The following ANKRD62 variants were observed in gnomAD, a reference collection of about 807,000 sequenced individuals.
ANKRD62 encodes ankyrin repeat domain-containing protein 62.
A neutral mutation model predicts 98.8 loss-of-function variants in ANKRD62; 61 were observed. That is an observed-to-expected ratio of 0.62 (90% CI 0.50 to 0.76). The LOEUF (loss-of-function observed/expected upper bound fraction) is 0.76, where lower values mean the gene tolerates loss of function less well. Among genes scored for constraint, ANKRD62 ranks in the 30% least tolerant of loss-of-function variants. ANKRD62 has a pLI of 0.00. For synonymous variants in ANKRD62, 341 were observed against 367.9 expected, an observed-to-expected ratio of 0.93 and a Z score of 0.84; for missense variants, 933 against 1,082.9, an observed-to-expected ratio of 0.86 and a Z score of 1.94.
At chr18:12,155,541 G>A in the ANKRD62 span, among the ~76,000 whole-genome samples, 10 of 152,204 alleles carry the variant, frequency 6.6e-5, no homozygotes, top group Non-Finnish European at 1.5e-5. Context: ...GTCCCCATGG[G>A]CCACTACTGT....
chr18:12,117,711 C>A (rs1393600077), intron 10 of ANKRD62, among the ~76,000 whole-genome samples: 1 of 152,170 alleles, frequency 6.6e-6, no homozygotes, highest in African/African-American at 2.4e-5. Flanking sequence ...ATGCCTGTAT[C>A]TGTCGAGATG....
chr18:12,107,493 C>T (rs913699575), intron 8 of ANKRD62, 26 bp downstream of exon 8: 14 of 1,435,998 alleles, frequency 9.7e-6, no homozygotes, highest in African/African-American at 2.9e-5. Flanking sequence ...TAGTTAACAG[C>T]GGATCACTGT....
chr18:12,176,085 G>A, the ANKRD62 span, among the ~76,000 whole-genome samples: 26 of 150,630 alleles, frequency 1.7e-4, no homozygotes, highest in African/African-American at 6.5e-4. Context: ...CCAGCTACTC[G>A]GAAGACTGAA....
rs1349743811 is a variant in ANKRD62 at position 12,127,971 on chromosome 18, C to T, written c.*32C>T. ...AAATAATATCAAGTGTTTCAGGACA[C>T]TAGTTTCAGTGGAGAGCTTTCTTTT... On this transcript the variant is annotated 3_prime_UTR_variant, in exon 14 of 14. Coordinates refer to ENST00000587848, the MANE Select transcript of ANKRD62 (RefSeq NM_001277333.2). 7.9e-7 allele frequency: 1 copy of T among 1,270,054 alleles called. No homozygotes were observed. The highest frequency in any genetic ancestry group is 1.5e-5 in the African/African-American group (1 of 65,150). 78.7% of individuals were successfully genotyped at this position (1,270,054 alleles called of 1,614,324 possible). A position where few individuals can be genotyped will look rare whatever the true frequency, so the allele number is the denominator to read the frequency against.
chr18:12,172,862 G>A, the ANKRD62 span, among the ~76,000 whole-genome samples: 1 of 152,216 alleles, frequency 6.6e-6, no homozygotes. Context: ...TCAGACTGCT[G>A]TGCTAGCAGT....
rs571555800 is a variant in ANKRD62, at chr18:12,114,281, T to C, written c.1065-807T>C. Among the ~76,000 whole-genome samples the C allele has an allele frequency of 1.7e-3, 262 of 152,262 alleles. 1 individual carries two copies. The highest frequency in any genetic ancestry group is 6.1e-3 in the African/African-American group (252 of 41,556). ...TATAACAAACTTGCAGTTGTACCAC[T>C]GAACTTAAAAAAAATGCCAAGATTA... On this transcript the variant is annotated intron_variant, in intron 8 of 13. Transcript: ENST00000587848.
chr18:12,102,057 C>T (rs1909310833), intron 6 of ANKRD62: 5 of 1,405,614 alleles, frequency 3.6e-6, no homozygotes, highest in Non-Finnish European at 4.0e-6. Context: ...AATAGCAAAG[C>T]CCAGCAAAGG....
the ANKRD62 span, among the ~76,000 whole-genome samples, chr18:12,152,973 A>T: frequency 6.6e-6 from 1 of 152,218 alleles, no homozygotes; most frequent in Non-Finnish European, 1.5e-5. Context: ...AGTACACAAA[A>T]TCAGTGTACA....
At chr18:12,138,087 G>A in the ANKRD62 span, among the ~76,000 whole-genome samples, 1 of 152,014 alleles carries the variant, frequency 6.6e-6, no homozygotes, top group Non-Finnish European at 1.5e-5. Context: ...CCTTCTGCTA[G>A]CTTTTGAATG....
At chr18:12,131,723 G>A (rs943641790), downstream of ANKRD62, among the ~76,000 whole-genome samples, 2 of 136,668 alleles carry the variant, frequency 1.5e-5, no homozygotes, top group African/African-American at 5.8e-5. Flanking sequence ...GAGAGAGAGT[G>A]TGTGTATGTG....
chr18:12,102,618 C>A, intron 6 of ANKRD62: 2 of 601,122 alleles, frequency 3.3e-6, no homozygotes, highest in South Asian at 4.7e-5. Flanking sequence ...GGGAAAGAGC[C>A]AGAATCAGAG....
Position 12,122,505 on chromosome 18 carries a change from C to A in ANKRD62, c.1443C>A (p.Leu481=). 1.3e-6 allele frequency: 2 copies of A among 1,520,000 alleles called. No individual in the cohort carries two copies. Among genetic ancestry groups the A allele is most frequent in the Non-Finnish European group, 1.8e-6 (2 of 1,142,826 alleles). The allele number at this position is 1,520,000 out of a possible 1,614,324, so 94.2% of individuals were successfully genotyped here. Residue 481 remains leucine (L), a synonymous_variant, in exon 11 of 14, where the codon CTC becomes CTA. Coordinates refer to ENST00000587848, the MANE Select transcript of ANKRD62 (RefSeq NM_001277333.2). ...AGAATCTTCAAGGGAAAAAAAAGCT[C>A]TGTAATTTGAGGTATCACATTCTAG... is the stretch of plus-strand genomic sequence containing the variant. ...EHQNLQGKKK[L]CNLRFILQQQ...
downstream of ANKRD62, among the ~76,000 whole-genome samples, chr18:12,134,759 TA>T (rs1431586814): frequency 1.3e-5 from 2 of 152,210 alleles, no homozygotes; most frequent in African/African-American, 4.8e-5. Context: ...CACATTTTCT[TA>T]AACCAGTCTA....
At chr18:12,101,141 T>C (rs1195871758) in intron 6 of ANKRD62, among the ~76,000 whole-genome samples, 4 of 152,258 alleles carry the variant, frequency 2.6e-5, no homozygotes, top group Non-Finnish European at 5.9e-5. Flanking sequence ...AAACACTTTT[T>C]TTTTGCAAGC....
At chr18:12,121,517 G>A (rs1909781496) in intron 10 of ANKRD62, among the ~76,000 whole-genome samples, 1 of 151,970 alleles carries the variant, frequency 6.6e-6, no homozygotes, top group African/African-American at 2.4e-5. Context: ...TACTTTAGAG[G>A]GGACCTCTGC....
At chr18:12,105,267 T>C (rs1008508467) in intron 7 of ANKRD62, among the ~76,000 whole-genome samples, 11 of 152,334 alleles carry the variant, frequency 7.2e-5, no homozygotes, top group Middle Eastern at 3.4e-3. Flanking sequence ...ATAATTACAG[T>C]ACAAATAACT....
In ANKRD62 at chr18:12,122,453, A is replaced by G; in HGVS notation, c.1391A>G (p.Asp464Gly). ...CTACAAAAGGTACTATCTGAAACAG[A>G]CAAAACCAAATCACAGTCAGAGCAT... ...SVLQKVLSET[D>G]KTKSQSEHQN... The change falls in exon 11 of 14, where the codon GAC becomes GGC. Residue 464 changes from aspartate to glycine, a missense_variant. Transcript: ENST00000587848. 1 of 1,535,368 alleles carries G rather than the reference A, an allele frequency of 6.5e-7. No homozygotes were observed. Among genetic ancestry groups the G allele is most frequent in the Non-Finnish European group, 8.7e-7 (1 of 1,146,670 alleles).
the ANKRD62 span, among the ~76,000 whole-genome samples, chr18:12,167,972 G>A: frequency 6.6e-6 from 1 of 152,056 alleles, no homozygotes; most frequent in Non-Finnish European, 1.5e-5. Context: ...ACTTTTTGAT[G>A]GGGTTGTTTG....
At chr18:12,171,038 C>T in the ANKRD62 span, among the ~76,000 whole-genome samples, 1 of 150,708 alleles carries the variant, frequency 6.6e-6, no homozygotes, top group Non-Finnish European at 1.5e-5. Context: ...TGTCTCTGCA[C>T]GTGAGATGAG....
Sources: allele counts gnomAD v4.1 joint callset (sites outside exome capture counted in the v4.1 genomes callset), GRCh38; gene constraint gnomAD v4.1.1; transcripts MANE v1.5; gene names NCBI Gene and HGNC (gene_info 2026-07-23, HGNC 2026-07-21).